The following PRRC2B variants were observed in gnomAD, a reference collection of about 807,000 sequenced individuals.
PRRC2B encodes the protein proline rich coiled-coil 2B.
In PRRC2B, 68 loss-of-function variants were observed where a neutral mutation model predicts 242.3. The observed-to-expected ratio is 0.28, with a 90% CI of 0.23 to 0.34. The LOEUF (loss-of-function observed/expected upper bound fraction) is 0.34. PRRC2B is among the 10% of genes least tolerant of loss of function. The probability of loss-of-function intolerance (pLI) is 1.00; values close to 1 mark genes in which losing one functional copy is unlikely to be tolerated. For synonymous variants in PRRC2B, 1,228 were observed against 1,173.6 expected (o/e 1.05, Z -0.95); for missense variants, 2,835 against 2,954.8 (o/e 0.96, Z 0.94).
intron 9 of PRRC2B, among the ~76,000 whole-genome samples, chr9:131,449,952 A>G (rs1942858766): frequency 6.6e-6 from 1 of 152,194 alleles, no homozygotes; most frequent in Non-Finnish European, 1.5e-5. Context: ...CCAATTCTCC[A>G]CAACATTTGT....
rs184663877 is a variant in PRRC2B, at chr9:131,383,844, A to C, written c.-56+10113A>C. Among the ~76,000 whole-genome samples, 198 of 151,464 alleles carry C rather than the reference A, an allele frequency of 1.3e-3. 5 individuals carry two copies. The East Asian group carries it at 0.037, about 28-fold the overall frequency. On this transcript the variant is annotated intron_variant, in intron 1 of 1. Coordinates refer to the PRRC2B transcript ENST00000682525. ...CACTGTGTTAGCCAGGATGGTCTGGATCTCTTGACCTCGTAATCCACCCGC... is the reference window on the plus strand; with the variant it reads ...CACTGTGTTAGCCAGGATGGTCTGGCTCTCTTGACCTCGTAATCCACCCGC...
At chr9:131,393,934 C>G (rs1426560321), upstream of PRRC2B, among the ~76,000 whole-genome samples, 1 of 151,170 alleles carries the variant, frequency 6.6e-6, no homozygotes. Context: ...TCGCCCGGCC[C>G]CCGGGCCGAT....
rs190803792 is a variant in PRRC2B, at chr9:131,475,069, C to A, written c.2940C>A (p.Ser980Arg). ...GGCTGGCCAAGGAGAAGGAGCAGAG[C>A]CCCACGGCAGAAAAGGATGAGGACG... ...STRLAKEKEQ[S>R]PTAEKDEDEE... Residue 980 changes from serine to arginine, a missense_variant, in exon 16 of 32, where the codon AGC becomes AGA. Ser to Arg is a moderately radical substitution (Grantham distance 110). Transcript: ENST00000683519. 2.5e-6 allele frequency: 4 copies of A among 1,610,958 alleles called. No homozygotes were observed. In the African/African-American group the frequency reaches 5.3e-5, roughly 21 times the overall value.
intron 1 of PRRC2B, among the ~76,000 whole-genome samples, chr9:131,424,576 C>T (rs1837931749): frequency 6.6e-6 from 1 of 152,054 alleles, no homozygotes; most frequent in Non-Finnish European, 1.5e-5. Context: ...ATCCCAGCTA[C>T]TCGGGAGGCT....
At chr9:131,489,340 C>T (rs1944118847) in intron 28 of PRRC2B, among the ~76,000 whole-genome samples, 1 of 151,906 alleles carries the variant, frequency 6.6e-6, no homozygotes, top group South Asian at 2.1e-4. Context: ...GCGCCCACCA[C>T]CCACCGGCTA....
intron 1 of PRRC2B, among the ~76,000 whole-genome samples, chr9:131,400,846 G>A (rs1433288301): frequency 6.6e-6 from 1 of 152,134 alleles, no homozygotes; most frequent in Non-Finnish European, 1.5e-5. Flanking sequence ...AACAGTTTTT[G>A]TTTCTAGGGA....
At chr9:131,429,617 T>G (rs1404866879) in intron 1 of PRRC2B, among the ~76,000 whole-genome samples, 1 of 152,194 alleles carries the variant, frequency 6.6e-6, no homozygotes, top group Non-Finnish European at 1.5e-5. Context: ...TTTGATTTGG[T>G]TTTGCTTGCC....
At chr9:131,396,890 A>G (rs1005751892) in intron 1 of PRRC2B, among the ~76,000 whole-genome samples, 4 of 151,864 alleles carry the variant, frequency 2.6e-5, no homozygotes, top group Non-Finnish European at 4.4e-5. Context: ...GACCCAGGTC[A>G]CCTCTTGGCT....
chr9:131,470,920 G>C lies in PRRC2B; in HGVS notation c.2044G>C (p.Asp682His). Residue 682 changes from aspartate (D) to histidine (H), a missense_variant, in exon 14 of 32, where the codon GAC becomes CAC. Transcript: ENST00000683519. ...GTGGATGATGATGCCTTCCTACATG[G>C]ACCCACGTATCACGCCCACTCGGAC... ...PRWMMMPSYM[D>H]PRITPTRTPV... The C allele has an allele frequency of 6.2e-7, 1 of 1,612,366 alleles. No individual in the cohort carries two copies.
intron 1 of PRRC2B, among the ~76,000 whole-genome samples, chr9:131,423,163 C>T (rs1322004005): frequency 2.0e-5 from 3 of 152,276 alleles, no homozygotes; most frequent in South Asian, 2.1e-4. Flanking sequence ...GAGGTAAAGC[C>T]GTGGCCATAA....
rs1294752433 is a variant in PRRC2B, at chr9:131,481,719, C to T, written c.4901-7C>T. 3 of 1,557,928 alleles carry T rather than the reference C, an allele frequency of 1.9e-6. No homozygotes were observed. Among genetic ancestry groups the T allele is most frequent in the Non-Finnish European group, 1.7e-6 (2 of 1,151,074 alleles). On this transcript the variant is annotated splice_polypyrimidine_tract_variant and splice_region_variant and intron_variant, in intron 19 of 31. Coordinates refer to ENST00000683519, the MANE Select transcript of PRRC2B (RefSeq NM_013318.4). ...GATGCCCTGACTCTGTCTTCCTCCC[C>T]TGGCAGCTCTCCCTGTGCAGGCCCC...
At chr9:131,400,420 GCAATTCTCGTGCCTCAGC>G (rs1837197653) in intron 1 of PRRC2B, among the ~76,000 whole-genome samples, 1 of 152,018 alleles carries the variant, frequency 6.6e-6, no homozygotes, top group South Asian at 2.1e-4. Context: ...CTGGGTTCAA[GCAATTCTCGTGCCTCAGC>G]CTTCGAGTAG....
At chr9:131,419,378 C>T (rs1327970756) in intron 1 of PRRC2B, among the ~76,000 whole-genome samples, 1 of 152,094 alleles carries the variant, frequency 6.6e-6, no homozygotes, top group Non-Finnish European at 1.5e-5. Context: ...AACTGTGACA[C>T]TTAAACTGTG....
Position 131,430,114 on chromosome 9 carries a change from A to G in PRRC2B, c.-31A>G. The G allele has an allele frequency of 1.4e-6, 2 of 1,397,620 alleles. No homozygotes were observed. Among genetic ancestry groups the G allele is most frequent in the Admixed American group, 3.8e-5 (2 of 52,386 alleles). The allele number at this position is 1,397,620 out of a possible 1,614,324, so 86.6% of individuals were successfully genotyped here. On this transcript the variant is annotated 5_prime_UTR_variant, in exon 2 of 32. Transcript: ENST00000683519. ...GGCAGATCGGGAGCGGTGCCGAGAAAAATTTCCTTACTAGATGACATTTCA... is the reference window on the plus strand; with the variant it reads ...GGCAGATCGGGAGCGGTGCCGAGAAGAATTTCCTTACTAGATGACATTTCA...
At chr9:131,488,591 G>A (rs1322077673) in intron 28 of PRRC2B, among the ~76,000 whole-genome samples, 1 of 152,140 alleles carries the variant, frequency 6.6e-6, no homozygotes, top group Admixed American at 6.5e-5. Flanking sequence ...CTTGAGACCT[G>A]GCTGTCCCCT....
chr9:131,484,773 G>A lies in PRRC2B; in HGVS notation c.5548G>A (p.Ala1850Thr), dbSNP rs760374911. 34 of 1,610,284 alleles carry A rather than the reference G, an allele frequency of 2.1e-5. No homozygotes were observed. The highest frequency in any genetic ancestry group is 2.7e-5 in the Non-Finnish European group (32 of 1,177,952). ...TCTCTCCCCAATGTCCTTCCCCACC[G>A]CCGACCTTACTCTGAAGGTAACACC... The part of the protein sequence containing the change: ...IGLSPMSFPT[A>T]DLTLKMESAR... Residue 1850 changes from alanine to threonine, a missense_variant, in exon 24 of 32, where the codon GCC (alanine) becomes ACC (threonine). Coordinates refer to ENST00000683519, the MANE Select transcript of PRRC2B (RefSeq NM_013318.4).
chr9:131,474,607 C>T lies in PRRC2B; in HGVS notation c.2478C>T (p.Gly826=). ...FDSCISSQRI[G]QELLFPPQEN... The stretch of plus-strand genomic sequence containing the variant: ...GCTGTATCTCTTCTCAAAGAATAGG[C>T]CAGGAGCTTTTGTTTCCACCCCAAG... Residue 826 remains glycine, a synonymous_variant, in exon 16 of 32, where the codon GGC becomes GGT. Coordinates refer to ENST00000683519, the MANE Select transcript of PRRC2B (RefSeq NM_013318.4). The T allele has an allele frequency of 6.2e-7, 1 of 1,613,994 alleles. No homozygotes were observed. Among genetic ancestry groups the T allele is most frequent in the Non-Finnish European group, 8.5e-7 (1 of 1,179,896 alleles).
At chr9:131,424,033 T>C (rs1387844456) in intron 1 of PRRC2B, among the ~76,000 whole-genome samples, 3 of 152,040 alleles carry the variant, frequency 2.0e-5, no homozygotes, top group South Asian at 2.1e-4. Flanking sequence ...CCTCCCAGGC[T>C]CAAGCAGTTG....
upstream of PRRC2B, chr9:131,394,072 A>C (rs990992056): frequency 6.7e-6 from 1 of 148,668 alleles, no homozygotes; most frequent in Non-Finnish European, 1.5e-5. Context: ...GCCGAGCGCG[A>C]GGGAGCGAGC....
Sources: allele counts gnomAD v4.1 joint callset (sites outside exome capture counted in the v4.1 genomes callset), GRCh38; gene constraint gnomAD v4.1.1; transcripts MANE v1.5; gene names NCBI Gene and HGNC (gene_info 2026-07-23, HGNC 2026-07-21).